VEGFA: variants seen among roughly 807,000 people sequenced by gnomAD.
VEGFA encodes vascular endothelial growth factor A.
VEGFA carries 20 observed loss-of-function variants against 49.7 expected under a neutral mutation model. That is an observed-to-expected ratio of 0.40 (90% CI 0.28 to 0.58). The LOEUF is 0.58. Among genes scored for constraint, VEGFA ranks in the 20% least tolerant of loss-of-function variants. The pLI is 0.40. For missense variants in VEGFA, 505 were observed against 553.5 expected, an observed-to-expected ratio of 0.91 and a Z score of 0.88; for synonymous variants, 219 against 223.4, an observed-to-expected ratio of 0.98 and a Z score of 0.18.
intron 6 of VEGFA, chr6:43,781,057 C>T: frequency 3.4e-6 from 3 of 881,708 alleles, no homozygotes; most frequent in Non-Finnish European, 5.1e-6. Context: ...AGGGAGGGGA[C>T]CCTGGCTTGG....
At chr6:43,780,099 C>A in intron 5 of VEGFA, 1 of 217,832 alleles carries the variant, frequency 4.6e-6, no homozygotes, top group Non-Finnish European at 9.4e-6. Context: ...CCAGGACACC[C>A]AGCCCTGCCT....
intron 7 of VEGFA, 158 bp downstream of exon 7, chr6:43,782,245 T>G: frequency 8.8e-7 from 1 of 1,142,852 alleles, no homozygotes; most frequent in Non-Finnish European, 1.2e-6. Flanking sequence ...ACTGCTGCCT[T>G]CTCTGCTTTT....
Position 43,777,662 on chromosome 6 carries a change from G to A in VEGFA, c.852G>A (p.Met284Ile). The change falls in exon 3 of 8, where the codon ATG (methionine) becomes ATA (isoleucine). Residue 284 changes from methionine (M) to isoleucine (I), a missense_variant. Coordinates refer to ENST00000672860, the MANE Select transcript of VEGFA (RefSeq NM_003376.6). The surrounding 1 kb of genome is among the most constrained non-coding windows in gnomAD (Gnocchi z 4.3). Reference sequence around the variant, plus strand: ...CCACTGAGGAGTCCAACATCACCATGCAGGTGGGCATCTTTGGGAAGTGGG... The same window carrying A: ...CCACTGAGGAGTCCAACATCACCATACAGGTGGGCATCTTTGGGAAGTGGG... 7.2e-7 allele frequency: 1 copy of A among 1,379,994 alleles called. No individual in the cohort carries two copies. Among genetic ancestry groups the A allele is most frequent in the Non-Finnish European group, 9.7e-7 (1 of 1,031,204 alleles). The allele number at this position is 1,379,994 out of a possible 1,614,324, so 85.5% of individuals were successfully genotyped here.
intron 7 of VEGFA, chr6:43,782,376 G>C: frequency 2.3e-6 from 1 of 437,496 alleles, no homozygotes; most frequent in East Asian, 4.9e-5. Flanking sequence ...CGCAAGCTGT[G>C]TGTTGTGTCC....
intron 2 of VEGFA, chr6:43,776,225 G>A (rs1470495270): frequency 1.3e-5 from 2 of 152,358 alleles, no homozygotes; most frequent in South Asian, 2.1e-4. Context: ...GAGGCCTAGA[G>A]AGGGGAGGGA....
rs1336122476 is a variant in VEGFA at position 43,781,139 on chromosome 6, C to G, written c.1034+336C>G. On this transcript the variant is annotated intron_variant, in intron 6 of 7. Coordinates refer to ENST00000672860, the MANE Select transcript of VEGFA (RefSeq NM_003376.6). The stretch of plus-strand genomic sequence containing the variant: ...ATGTTGGCACAGGTGCCTGCTCACC[C>G]AACTGGTTTCCATTGCTCTAGGCTT... 3 of 541,922 alleles carry G rather than the reference C, an allele frequency of 5.5e-6. No homozygotes were observed. In the African/African-American group the frequency reaches 5.7e-5, roughly 10 times the overall value. 33.6% of individuals were successfully genotyped at this position (541,922 alleles called of 1,614,324 possible).
In VEGFA at chr6:43,779,958, G is replaced by A. The variant is rs542915256; in HGVS notation, c.963-774G>A. On this transcript the variant is annotated intron_variant, in intron 5 of 7. Transcript: ENST00000672860. ...AGAGTAGGGGGCTCGCCTGGGCTCG[G>A]AAGAGTGTCTGGTGAGATGGTGTAG... 1.3e-3 allele frequency: 393 copies of A among 294,712 alleles called. 10 individuals carry two copies. Among genetic ancestry groups the A allele is most frequent in the South Asian group, 0.011 (370 of 32,748 alleles). 18.3% of individuals were successfully genotyped at this position (294,712 alleles called of 1,614,324 possible).
rs1582496197 is a variant in VEGFA at position 43,777,269 on chromosome 6, A to G, written c.659-200A>G. Reference sequence around the variant, plus strand: ...AGTACATCGTGTGATCTCTGGAATGAAAACAGGCCTTCACCAGTGTTGATG... The same window carrying G: ...AGTACATCGTGTGATCTCTGGAATGGAAACAGGCCTTCACCAGTGTTGATG... On this transcript the variant is annotated intron_variant, in intron 2 of 7. Transcript: ENST00000672860. This position sits in a 1 kb window ranked among gnomAD's most constrained non-coding sequence, Gnocchi z 4.3. 1 of 661,710 alleles carries G rather than the reference A, an allele frequency of 1.5e-6. No homozygotes were observed. The highest frequency in any genetic ancestry group is 2.7e-6 in the Non-Finnish European group (1 of 365,818). 41.0% of individuals were successfully genotyped at this position (661,710 alleles called of 1,614,324 possible).
chr6:43,779,627 C>A, intron 5 of VEGFA: 1 of 452,368 alleles, frequency 2.2e-6, no homozygotes, highest in Admixed American at 2.4e-5. Flanking sequence ...ACCATCTTGT[C>A]TGCCTCCAGT....
At position 43,785,667 on chromosome 6, in the gene VEGFA, G is replaced by T. The variant is rs1769336936; in HGVS notation, c.*1105G>T. The stretch of plus-strand genomic sequence containing the variant: ...CCCCAGGAGACCTGGTTGTGTGTGT[G>T]TGAGTGGTTGACCTTCCTCCATCCC... On this transcript the variant is annotated 3_prime_UTR_variant, in exon 8 of 8. Transcript: ENST00000672860. 5.0e-6 allele frequency: 1 copy of T among 199,402 alleles called. No homozygotes were observed. The highest frequency in any genetic ancestry group is 1.0e-5 in the Non-Finnish European group (1 of 96,586). The allele number at this position is 199,402 out of a possible 1,614,324, so 12.4% of individuals were successfully genotyped here.
At chr6:43,778,286 T>C in intron 3 of VEGFA, 174 bp from the exon 4 acceptor site, 1 of 682,560 alleles carries the variant, frequency 1.5e-6, no homozygotes, top group East Asian at 2.7e-5. Flanking sequence ...GTTGGGGGAG[T>C]TGGGGTGGGC....
At chr6:43,779,214 T>C in intron 5 of VEGFA, 1 of 545,132 alleles carries the variant, frequency 1.8e-6, no homozygotes, top group Non-Finnish European at 3.3e-6. Context: ...GGGGGCACTG[T>C]GGACACTGGC....
chr6:43,774,684 G>A, intron 2 of VEGFA: 1 of 522,024 alleles, frequency 1.9e-6, no homozygotes, highest in Non-Finnish European at 3.5e-6. Flanking sequence ...AGTGTTCAGG[G>A]ATCCTAGGTG....
At position 43,770,730 on chromosome 6, in the gene VEGFA, C is replaced by T. The variant is rs768625392; in HGVS notation, c.24C>T (p.Thr8=). Residue 8 remains threonine, a synonymous_variant, in exon 1 of 8, where the codon ACC becomes ACT. Coordinates refer to ENST00000672860, the MANE Select transcript of VEGFA (RefSeq NM_003376.6). ...CGCTGACGGACAGACAGACAGACACCGCCCCCAGCCCCAGCTACCACCTCC... is the reference window on the plus strand; with the variant it reads ...CGCTGACGGACAGACAGACAGACACTGCCCCCAGCCCCAGCTACCACCTCC... 2.2e-4 allele frequency: 330 copies of T among 1,534,258 alleles called. No homozygotes were observed. The highest frequency in any genetic ancestry group is 2.7e-4 in the Non-Finnish European group (316 of 1,151,778).
Position 43,770,986 on chromosome 6 carries a change from G to A in VEGFA, c.280G>A (p.Glu94Lys). ...GGGCCGGGAGGAGCCGCAGCCGGAG[G>A]AGGGGGAGGAGGAAGAAGAGAAGGA... Residue 94 changes from glutamate to lysine, a missense_variant, in exon 1 of 8, where the codon GAG (glutamate) becomes AAG (lysine). Glu to Lys is a moderately conservative substitution (Grantham distance 56). Coordinates refer to ENST00000672860, the MANE Select transcript of VEGFA (RefSeq NM_003376.6). 7 of 1,542,746 alleles carry A rather than the reference G, an allele frequency of 4.5e-6. No homozygotes were observed. The South Asian group carries it at 8.4e-5, about 19-fold the overall frequency.
At chr6:43,780,656 C>G (rs1486782640) in intron 5 of VEGFA, 76 bp from the exon 6 acceptor site, 3 of 1,545,566 alleles carry the variant, frequency 1.9e-6, no homozygotes, top group Non-Finnish European at 2.7e-6. Context: ...TTCCCCCATC[C>G]CTGCCCACCT....
intron 2 of VEGFA, chr6:43,774,657 G>T (rs747212801): frequency 3.6e-6 from 2 of 561,048 alleles, no homozygotes; most frequent in African/African-American, 1.9e-5. Context: ...GGAGTCGTGC[G>T]CACAGAGCAG....
chr6:43,785,646 A>C lies in VEGFA; in HGVS notation c.*1084A>C, dbSNP rs1054700031. On this transcript the variant is annotated 3_prime_UTR_variant, in exon 8 of 8. Transcript: ENST00000672860. ...TTGAAACCACTAGTTCTGTCCCCCC[A>C]GGAGACCTGGTTGTGTGTGTGTGAG... The C allele has an allele frequency of 9.4e-5, 19 of 201,266 alleles. No homozygotes were observed. The highest frequency in any genetic ancestry group is 1.8e-4 in the Non-Finnish European group (18 of 97,768). 12.5% of individuals were successfully genotyped at this position (201,266 alleles called of 1,614,324 possible). A position where few individuals can be genotyped will look rare whatever the true frequency, so the allele number is the denominator to read the frequency against.
intron 2 of VEGFA, chr6:43,776,185 C>T (rs938536785): frequency 1.3e-5 from 2 of 152,296 alleles, no homozygotes; most frequent in South Asian, 2.1e-4. Context: ...AGAGATCAGC[C>T]CAACCCACTT....
Sources: allele counts gnomAD v4.1 joint callset, GRCh38; gene constraint gnomAD v4.1.1; non-coding constraint Gnocchi (gnomAD v3.1); transcripts MANE v1.5; gene names NCBI Gene and HGNC (gene_info 2026-07-23, HGNC 2026-07-21).